Variants in SLC22A23 observed in about 807,000 individuals in gnomAD.
The protein encoded by SLC22A23 is solute carrier family 22 member 23, also known as ion transporter protein.
SLC22A23 carries 26 observed loss-of-function variants against 61.0 expected under a neutral mutation model. That is an observed-to-expected ratio of 0.43 (90% CI 0.31 to 0.59). The LOEUF is 0.59. Among genes scored for constraint, SLC22A23 ranks in the 20% least tolerant of loss-of-function variants. SLC22A23 has a pLI of 0.11. For synonymous variants in SLC22A23, 430 were observed against 413.9 expected (o/e 1.04, Z -0.47); for missense variants, 796 against 934.7 (o/e 0.85, Z 1.94).
intron 4 of SLC22A23, chr6:3,312,570 G>A (rs1456186091): frequency 6.6e-6 from 1 of 152,154 alleles, no homozygotes; most frequent in Non-Finnish European, 1.5e-5. Flanking sequence ...CAATTCTGAT[G>A]GCTGAGTGAG....
chr6:3,306,162 C>T lies in SLC22A23; in HGVS notation c.1083-7944G>A, dbSNP rs1561884890. ...AAGGGGCAATAGAAGGGGGAGGTGA[C>T]AGGCTCTTTCAAACAACCAGCCCTT... On this transcript the variant is annotated intron_variant, in intron 4 of 9. Coordinates refer to ENST00000406686, the MANE Select transcript of SLC22A23 (RefSeq NM_015482.2). Among the ~76,000 whole-genome samples, 3 of 152,114 alleles carry T rather than the reference C, an allele frequency of 2.0e-5. No individual in the cohort carries two copies. The South Asian group carries it at 6.2e-4, about 32-fold the overall frequency.
Position 3,273,397 on chromosome 6 carries a change from C to G in SLC22A23, c.1719G>C (p.Gly573=), listed in dbSNP as rs542887775. The G allele has an allele frequency of 6.2e-7, 1 of 1,612,118 alleles. No homozygotes were observed. Among genetic ancestry groups the G allele is most frequent in the African/African-American group, 1.3e-5 (1 of 74,916 alleles). ...TPTVIRCGGL[G]LVLASAGFGM... ...CGAAGCCCGCGCTGGCCAGCACCAGCCCCAGCCCGCCACACCTGCAGGGGG... is the reference window on the plus strand; with the variant it reads ...CGAAGCCCGCGCTGGCCAGCACCAGGCCCAGCCCGCCACACCTGCAGGGGG... The change falls in exon 10 of 10, where the codon GGG becomes GGC. Residue 573 remains glycine (G), a synonymous_variant. Transcript: ENST00000406686.
In SLC22A23 at chr6:3,448,387, C is replaced by T. The variant is rs144540328; in HGVS notation, c.654+7519G>A. 4.2e-3 allele frequency among the ~76,000 whole-genome samples: 636 copies of T among 152,310 alleles called. 3 individuals are homozygous for T. The highest frequency in any genetic ancestry group is 0.015 in the African/African-American group (614 of 41,558). ...TACTGAATGTGAAGTTGGATAGACA[C>T]GTGCAGCAGGCTCAGAGTCAATAGA... is the stretch of plus-strand genomic sequence containing the variant. On this transcript the variant is annotated intron_variant, in intron 1 of 9. Transcript: ENST00000406686.
chr6:3,448,999 G>A (rs1020020626), intron 1 of SLC22A23, among the ~76,000 whole-genome samples: 3 of 152,188 alleles, frequency 2.0e-5, no homozygotes, highest in Non-Finnish European at 4.4e-5. Context: ...TCTCCCAAAC[G>A]GAGGTGGAAA....
intron 1 of SLC22A23, among the ~76,000 whole-genome samples, chr6:3,417,464 G>A (rs1396089344): frequency 2.0e-5 from 3 of 152,178 alleles, no homozygotes; most frequent in African/African-American, 7.2e-5. Context: ...GAAGGGCACT[G>A]CTGGTTGCAC....
chr6:3,350,327 T>C (rs1438208802), intron 3 of SLC22A23, among the ~76,000 whole-genome samples: 1 of 152,194 alleles, frequency 6.6e-6, no homozygotes, highest in African/African-American at 2.4e-5. Flanking sequence ...AAGGCTGCTG[T>C]TTTTGTACAA....
At position 3,378,743 on chromosome 6, in the gene SLC22A23, C is replaced by T. The variant is rs541765699; in HGVS notation, c.913+31445G>A. On this transcript the variant is annotated intron_variant, in intron 3 of 9. Transcript: ENST00000406686. ...CGTGATCTCGGCTCACTGCAACCTC[C>T]GCCTCCAGGGTTCAAGCGATTCTCT... 3.9e-3 allele frequency among the ~76,000 whole-genome samples: 591 copies of T among 150,438 alleles called. 8 individuals are homozygous for T. Among genetic ancestry groups the T allele is most frequent in the African/African-American group, 0.013 (541 of 40,970 alleles).
At chr6:3,293,049 C>T (rs1760752260) in intron 5 of SLC22A23, among the ~76,000 whole-genome samples, 1 of 152,170 alleles carries the variant, frequency 6.6e-6, no homozygotes, top group Admixed American at 6.5e-5. Context: ...ACGCAGTGGC[C>T]ACTCGCCCAA....
intron 1 of SLC22A23, among the ~76,000 whole-genome samples, chr6:3,448,515 C>A (rs1015552553): frequency 1.3e-5 from 2 of 151,668 alleles, no homozygotes; most frequent in African/African-American, 4.9e-5. Flanking sequence ...TTTTTTGAGA[C>A]GGAGCCTGGC....
chr6:3,424,748 C>A (rs1219240431), intron 1 of SLC22A23, among the ~76,000 whole-genome samples: 3 of 152,238 alleles, frequency 2.0e-5, no homozygotes, highest in Middle Eastern at 3.2e-3. Context: ...TGGCACACAG[C>A]CGTGCTCCTT....
At chr6:3,433,973 C>T (rs1771036260) in intron 1 of SLC22A23, among the ~76,000 whole-genome samples, 1 of 152,190 alleles carries the variant, frequency 6.6e-6, no homozygotes, top group Non-Finnish European at 1.5e-5. Context: ...AAGCTATACA[C>T]TTAACATCTG....
At chr6:3,421,347 A>T (rs370793956) in intron 1 of SLC22A23, among the ~76,000 whole-genome samples, 8 of 152,274 alleles carry the variant, frequency 5.3e-5, no homozygotes, top group Admixed American at 2.6e-4. Context: ...TATCAGAGAC[A>T]CCCACAGAGG....
intron 4 of SLC22A23, among the ~76,000 whole-genome samples, chr6:3,305,500 G>A (rs553813020): frequency 3.3e-5 from 5 of 152,320 alleles, no homozygotes; most frequent in South Asian, 2.1e-4. Flanking sequence ...TGAAGAATTC[G>A]TTGGCCTGTC....
chr6:3,303,525 GA>G (rs1454300314), intron 4 of SLC22A23, among the ~76,000 whole-genome samples: 1 of 152,196 alleles, frequency 6.6e-6, no homozygotes, highest in Non-Finnish European at 1.5e-5. Flanking sequence ...CTGTAAAAAA[GA>G]ATGAAATCCT....
At chr6:3,349,744 T>C (rs757868552) in intron 3 of SLC22A23, among the ~76,000 whole-genome samples, 2 of 152,196 alleles carry the variant, frequency 1.3e-5, no homozygotes, top group Non-Finnish European at 2.9e-5. Flanking sequence ...AGAAGATGAA[T>C]TATTTGAACT....
In SLC22A23 at chr6:3,456,779, G is replaced by T. The variant is rs1235787702; in HGVS notation, c.-220C>A. ...CGCTGCGGCCCCGCTCGGGCGCCGGGCAGAGGCGGGCAGAGGCCGGCCGGG... is the reference window on the plus strand; with the variant it reads ...CGCTGCGGCCCCGCTCGGGCGCCGGTCAGAGGCGGGCAGAGGCCGGCCGGG... On this transcript the variant is annotated 5_prime_UTR_variant, in exon 1 of 10. Coordinates refer to ENST00000406686, the MANE Select transcript of SLC22A23 (RefSeq NM_015482.2). This position sits in a 1 kb window ranked among gnomAD's most constrained non-coding sequence, Gnocchi z 7.1. 6.6e-6 allele frequency: 1 copy of T among 151,514 alleles called. No individual in the cohort carries two copies. The highest frequency in any genetic ancestry group is 1.4e-5 in the Non-Finnish European group (1 of 70,914). 9.4% of individuals were successfully genotyped at this position (151,514 alleles called of 1,614,324 possible). A position where few individuals can be genotyped will look rare whatever the true frequency, so the allele number is the denominator to read the frequency against.
At chr6:3,374,253 A>C (rs907401559) in intron 3 of SLC22A23, among the ~76,000 whole-genome samples, 1 of 152,240 alleles carries the variant, frequency 6.6e-6, no homozygotes, top group African/African-American at 2.4e-5. Context: ...GCTCTCAGCT[A>C]TATGTCCAGG....
In SLC22A23 at chr6:3,410,125, C is replaced by A. The variant is rs1251191827; in HGVS notation, c.913+63G>T. 9.8e-6 allele frequency: 15 copies of A among 1,536,820 alleles called. No homozygotes were observed. The Admixed American group carries it at 2.6e-4, about 26-fold the overall frequency. On this transcript the variant is annotated intron_variant, in intron 3 of 9. Coordinates refer to ENST00000406686, the MANE Select transcript of SLC22A23 (RefSeq NM_015482.2). The surrounding 1 kb of genome is among the most constrained non-coding windows in gnomAD (Gnocchi z 5.0). ...AGCATGCACAGTATCTTTCCCAGAACCTCCCAGGCAACAATACTTTTGCTA... is the reference window on the plus strand; with the variant it reads ...AGCATGCACAGTATCTTTCCCAGAAACTCCCAGGCAACAATACTTTTGCTA...
rs540106852 is a variant in SLC22A23 at position 3,307,573 on chromosome 6, G to A, written c.1083-9355C>T. Among the ~76,000 whole-genome samples the A allele has an allele frequency of 1.5e-3, 234 of 152,330 alleles. 1 individual carries two copies. The highest frequency in any genetic ancestry group is 5.1e-3 in the African/African-American group (210 of 41,580). On this transcript the variant is annotated intron_variant, in intron 4 of 9. Transcript: ENST00000406686. ...ACTGCAGGATAGTCATATGCTGGAC[G>A]GCAGACTGAGGCCCAGGCCCTGCTG...
Sources: gnomAD v4.1 joint callset for allele counts (sites outside exome capture counted in the v4.1 genomes callset) on GRCh38, gnomAD v4.1.1 for gene constraint, Gnocchi (gnomAD v3.1) non-coding constraint, MANE v1.5 for transcripts, NCBI Gene and HGNC (gene_info 2026-07-23, HGNC 2026-07-21) for gene names.